Variants in DPYSL4 observed in about 807,000 individuals in gnomAD.
DPYSL4 encodes dihydropyrimidinase like 4, also known as dihydropyrimidinase-related protein 4.
In DPYSL4, 43 loss-of-function variants were observed where a neutral mutation model predicts 63.4. The ratio of observed to expected loss-of-function variants is 0.68; its 90% CI spans 0.53 to 0.88. The LOEUF (loss-of-function observed/expected upper bound fraction) is 0.88. Among genes scored for constraint, DPYSL4 ranks in the 40% least tolerant of loss-of-function variants. The probability of loss-of-function intolerance (pLI) is 0.00; values close to 1 mark genes in which losing one functional copy is unlikely to be tolerated. For synonymous variants in DPYSL4, 353 were observed against 331.7 expected (o/e 1.06, Z -0.70); for missense variants, 733 against 819.5 (o/e 0.89, Z 1.29).
chr10:132,198,808 C>A, intron 7 of DPYSL4, 43 bp from the exon 8 acceptor site: 1 of 1,608,112 alleles, frequency 6.2e-7, no homozygotes, highest in Non-Finnish European at 8.5e-7. Context: ...GTCTGGAGCC[C>A]CAGGGCCCTC....
intron 6 of DPYSL4, among the ~76,000 whole-genome samples, chr10:132,198,086 C>T (rs1398654977): frequency 6.6e-6 from 1 of 152,214 alleles, no homozygotes; most frequent in Non-Finnish European, 1.5e-5. Context: ...CTGTGCACAC[C>T]CCCACACATG....
chr10:132,187,795 C>G (rs911464874), intron 1 of DPYSL4, among the ~76,000 whole-genome samples: 15 of 152,214 alleles, frequency 9.9e-5, no homozygotes, highest in African/African-American at 3.6e-4. Context: ...TCCCCAACAC[C>G]CACACGCACC....
Position 132,203,894 on chromosome 10 carries a change from C to T in DPYSL4, c.1594C>T (p.Arg532Cys), listed in dbSNP as rs148722706. ...AGGCAAGATCTCCGTCCCTCCTGTG[C>T]GCAACCTACATCAGTCGGGGTTCAG... ...CPGKISVPPV[R>C]NLHQSGFSLS... Residue 532 changes from arginine to cysteine, a missense_variant, in exon 13 of 14, where the codon CGC (arginine) becomes TGC (cysteine). Physicochemically the swap from Arg to Cys is radical, Grantham distance 180. Transcript: ENST00000338492. 14 of 1,611,336 alleles carry T rather than the reference C, an allele frequency of 8.7e-6. No individual in the cohort carries two copies. Among genetic ancestry groups the T allele is most frequent in the African/African-American group, 1.3e-5 (1 of 74,918 alleles).
chr10:132,195,157 C>T, intron 4 of DPYSL4, 148 bp downstream of exon 4: 1 of 914,862 alleles, frequency 1.1e-6, no homozygotes, highest in Non-Finnish European at 1.6e-6. Context: ...CATTTGAAGG[C>T]CCATCCCACC....
chr10:132,196,138 C>T (rs1469042279), intron 4 of DPYSL4, among the ~76,000 whole-genome samples: 2 of 152,232 alleles, frequency 1.3e-5, no homozygotes, highest in African/African-American at 4.8e-5. Context: ...ACTTTCCACC[C>T]AGCGAGGAGG....
Position 132,192,320 on chromosome 10 carries a change from T to C in DPYSL4, c.129-338T>C, listed in dbSNP as rs553841871. 5 of 1,006,822 alleles carry C rather than the reference T, an allele frequency of 5.0e-6. No homozygotes were observed. The South Asian group carries it at 2.3e-4, about 46-fold the overall frequency. The allele number at this position is 1,006,822 out of a possible 1,614,324, so 62.4% of individuals were successfully genotyped here. A position where few individuals can be genotyped will look rare whatever the true frequency, so the allele number is the denominator to read the frequency against. On this transcript the variant is annotated intron_variant, in intron 2 of 13. Coordinates refer to ENST00000338492, the MANE Select transcript of DPYSL4 (RefSeq NM_006426.3). ...TGCCTGGCTCATAGCAGGTGCTTCC[T>C]AAATACTGGTGCCCACATCTATTAG...
rs1372250798 is a variant in DPYSL4 at position 132,200,926 on chromosome 10, C to A, written c.1053C>A (p.Ile351=). The change falls in exon 10 of 14, where the codon ATC becomes ATA. Residue 351 remains isoleucine, a synonymous_variant. Transcript: ENST00000338492. ...TGGGCAAGGACAACTTCGCGCTGAT[C>A]CCCGAGGGCACCAACGGCATTGAGG... is the stretch of plus-strand genomic sequence containing the variant. ...KAVGKDNFAL[I]PEGTNGIEER... 4.3e-6 allele frequency: 7 copies of A among 1,613,330 alleles called. No homozygotes were observed. The South Asian group carries it at 6.6e-5, about 15-fold the overall frequency.
At chr10:132,197,903 G>A (rs1167289095) in intron 6 of DPYSL4, among the ~76,000 whole-genome samples, 1 of 152,210 alleles carries the variant, frequency 6.6e-6, no homozygotes, top group African/African-American at 2.4e-5. Context: ...GTTGTCCTGG[G>A]TCTAGGGATG....
At chr10:132,187,379 C>G (rs183818529) in intron 1 of DPYSL4, among the ~76,000 whole-genome samples, 14 of 27,664 alleles carry the variant, frequency 5.1e-4, no homozygotes, top group African/African-American at 7.9e-4. Context: ...GGGCCCTGCC[C>G]GGCCTTGCCC....
chr10:132,190,727 C>A lies in DPYSL4; in HGVS notation c.40-20C>A, dbSNP rs1388351315. ...AGTAACTCAGTTTGGAGAAAAATTA[C>A]CCTTTGTTGTTCCCGATAGAGTGAC... is the stretch of plus-strand genomic sequence containing the variant. On this transcript the variant is annotated intron_variant, in intron 1 of 13. Coordinates refer to ENST00000338492, the MANE Select transcript of DPYSL4 (RefSeq NM_006426.3). The A allele has an allele frequency of 6.2e-7, 1 of 1,606,112 alleles. No individual in the cohort carries two copies. Among genetic ancestry groups the A allele is most frequent in the East Asian group, 2.2e-5 (1 of 44,650 alleles).
At chr10:132,196,150 G>A (rs1301483633) in intron 4 of DPYSL4, among the ~76,000 whole-genome samples, 1 of 152,230 alleles carries the variant, frequency 6.6e-6, no homozygotes, top group East Asian at 1.9e-4. Flanking sequence ...GCGAGGAGGA[G>A]ATGCCATGGG....
chr10:132,195,123 T>A, intron 4 of DPYSL4, 114 bp downstream of exon 4: 1 of 1,267,690 alleles, frequency 7.9e-7, no homozygotes. Flanking sequence ...GGTGTCCAGG[T>A]TTGAGTGGAA....
Position 132,200,350 on chromosome 10 carries a change from C to T in DPYSL4, c.812-6C>T. 6.2e-7 allele frequency: 1 copy of T among 1,613,048 alleles called. No individual in the cohort carries two copies. The highest frequency in any genetic ancestry group is 8.5e-7 in the Non-Finnish European group (1 of 1,179,804). ...TGGGGCACCTCTCATGGGCCTCGTG[C>T]TGCAGGGGTGGTCGTGTTTGGGGAG... On this transcript the variant is annotated splice_region_variant and splice_polypyrimidine_tract_variant and intron_variant, in intron 8 of 13. Coordinates refer to ENST00000338492, the MANE Select transcript of DPYSL4 (RefSeq NM_006426.3).
At chr10:132,196,469 G>A (rs1262895524) in intron 4 of DPYSL4, among the ~76,000 whole-genome samples, 1 of 152,150 alleles carries the variant, frequency 6.6e-6, no homozygotes, top group Non-Finnish European at 1.5e-5. Flanking sequence ...CAGGTCCCCA[G>A]CACAGCGCGG....
At chr10:132,193,639 G>A (rs1020848410) in intron 3 of DPYSL4, among the ~76,000 whole-genome samples, 3 of 152,264 alleles carry the variant, frequency 2.0e-5, no homozygotes, top group Non-Finnish European at 2.9e-5. Context: ...GGTCTGAGGA[G>A]CCTAGCTGAA....
chr10:132,202,257 G>T lies in DPYSL4; in HGVS notation c.1281+141G>T, dbSNP rs2062028431. The stretch of plus-strand genomic sequence containing the variant: ...CATCCCAGGGCCGTCCACACAGCCT[G>T]TCCCAGGCCAGACACTGAAATGGGC... On this transcript the variant is annotated intron_variant, in intron 11 of 13. Coordinates refer to ENST00000338492, the MANE Select transcript of DPYSL4 (RefSeq NM_006426.3). 8.9e-6 allele frequency: 10 copies of T among 1,128,728 alleles called. No homozygotes were observed. In the South Asian group the frequency reaches 1.6e-4, roughly 18 times the overall value. 69.9% of individuals were successfully genotyped at this position (1,128,728 alleles called of 1,614,324 possible).
In DPYSL4 at chr10:132,197,075, G is replaced by C; in HGVS notation, c.595G>C (p.Ala199Pro). The C allele has an allele frequency of 6.4e-7, 1 of 1,550,956 alleles. No individual in the cohort carries two copies. The highest frequency in any genetic ancestry group is 2.3e-5 in the East Asian group (1 of 42,630). ...RDLGALAQVH[A>P]ENGDIVEEEQ... ...CCTGGGGGCCTTGGCCCAGGTGCACGCTGAGAACGGGGACATCGTGGAGGA... is the reference window on the plus strand; with the variant it reads ...CCTGGGGGCCTTGGCCCAGGTGCACCCTGAGAACGGGGACATCGTGGAGGA... Residue 199 changes from alanine (A) to proline (P), a missense_variant, in exon 6 of 14, where the codon GCT (alanine) becomes CCT (proline). Transcript: ENST00000338492.
At chr10:132,187,369 GGGCCCT>G (rs1565035219) in intron 1 of DPYSL4, among the ~76,000 whole-genome samples, 4 of 9,654 alleles carry the variant, frequency 4.1e-4, no homozygotes, top group East Asian at 8.9e-3. Flanking sequence ...GGGCCCTGCC[GGGCCCT>G]GCCCGGCCTT....
chr10:132,196,771 C>T, intron 4 of DPYSL4, 90 bp from the exon 5 acceptor site: 5 of 1,485,778 alleles, frequency 3.4e-6, no homozygotes, highest in East Asian at 2.3e-5. Context: ...GGCCCAAGAC[C>T]CCCAACCCTC....
Sources: gnomAD v4.1 joint callset for allele counts (sites outside exome capture counted in the v4.1 genomes callset) on GRCh38, gnomAD v4.1.1 for gene constraint, MANE v1.5 for transcripts, NCBI Gene and HGNC (gene_info 2026-07-23, HGNC 2026-07-21) for gene names.